MEF2A: variants seen among roughly 807,000 people sequenced by gnomAD.
MEF2A encodes myocyte enhancer factor 2A.
MEF2A carries 28 observed loss-of-function variants against 55.8 expected under a neutral mutation model. The observed-to-expected ratio is 0.50, with a 90% confidence interval of 0.37 to 0.69. MEF2A has a LOEUF of 0.69. MEF2A is among the 30% of genes least tolerant of loss of function. The pLI, the probability that MEF2A is intolerant of heterozygous loss-of-function variation, is 0.00. For synonymous variants in MEF2A, 239 were observed against 227.1 expected (o/e 1.05, Z -0.47); for missense variants, 528 against 626.2 (o/e 0.84, Z 1.67).
At position 99,597,155 on chromosome 15, in the gene MEF2A, G is replaced by C. The variant is rs571993180; in HGVS notation, c.-224-1275G>C. Among the ~76,000 whole-genome samples, 4 of 152,236 alleles carry C rather than the reference G, an allele frequency of 2.6e-5. No individual in the cohort carries two copies. The South Asian group carries it at 8.3e-4, about 32-fold the overall frequency. ...GAGATAACCTTAAACTCTGACTGCC[G>C]GTGAGCCGGGTGGAACAGAGCCATA... is the stretch of plus-strand genomic sequence containing the variant. On this transcript the variant is annotated intron_variant, in intron 1 of 11. Transcript: ENST00000557942.
chr15:99,625,616 A>G (rs1465969486), intron 2 of MEF2A, among the ~76,000 whole-genome samples: 2 of 152,078 alleles, frequency 1.3e-5, no homozygotes, highest in African/African-American at 2.4e-5. Flanking sequence ...TGGAATTTTT[A>G]TATATAGTAT....
chr15:99,612,154 A>C (rs2039373952), intron 2 of MEF2A, among the ~76,000 whole-genome samples: 1 of 152,090 alleles, frequency 6.6e-6, no homozygotes, highest in Non-Finnish European at 1.5e-5. Flanking sequence ...AGTGGCTCAC[A>C]CCTGTAATCC....
intron 2 of MEF2A, among the ~76,000 whole-genome samples, chr15:99,602,909 A>T (rs1239394950): frequency 6.6e-6 from 1 of 151,916 alleles, no homozygotes; most frequent in African/African-American, 2.4e-5. Flanking sequence ...ATTTATGTTA[A>T]TTCTTGTTAA....
At chr15:99,611,078 C>G (rs555241238) in intron 2 of MEF2A, among the ~76,000 whole-genome samples, 1 of 152,248 alleles carries the variant, frequency 6.6e-6, no homozygotes, top group South Asian at 2.1e-4. Flanking sequence ...CCCATCCCTA[C>G]TAAAAATACA....
intron 4 of MEF2A, among the ~76,000 whole-genome samples, chr15:99,647,001 A>G (rs1324577968): frequency 6.6e-6 from 1 of 152,116 alleles, no homozygotes; most frequent in Non-Finnish European, 1.5e-5. Context: ...TGAATTGTAT[A>G]TGAAATTTTT....
At chr15:99,612,966 G>T (rs565434849) in intron 2 of MEF2A, among the ~76,000 whole-genome samples, 1 of 152,038 alleles carries the variant, frequency 6.6e-6, no homozygotes, top group Non-Finnish European at 1.5e-5. Context: ...AAGGAAACGG[G>T]AGAGAGAGAT....
At chr15:99,680,092 C>T (rs1054784952) in intron 7 of MEF2A, among the ~76,000 whole-genome samples, 1 of 152,108 alleles carries the variant, frequency 6.6e-6, no homozygotes, top group South Asian at 2.1e-4. Context: ...GCTGGTGGCC[C>T]TCAGTGTTGA....
At chr15:99,580,613 T>C (rs1476416647) in intron 1 of MEF2A, among the ~76,000 whole-genome samples, 1 of 152,214 alleles carries the variant, frequency 6.6e-6, no homozygotes, top group Non-Finnish European at 1.5e-5. Context: ...GTCTTACTGC[T>C]TTTTCTGAAA....
chr15:99,700,836 A>G (rs1345780145), intron 8 of MEF2A, among the ~76,000 whole-genome samples: 2 of 152,242 alleles, frequency 1.3e-5, no homozygotes, highest in African/African-American at 4.8e-5. Flanking sequence ...GAGTAACAAA[A>G]TAACAATAGT....
In MEF2A at chr15:99,714,501, A is replaced by T. The variant is rs1240546797; in HGVS notation, c.*1730A>T. On this transcript the variant is annotated 3_prime_UTR_variant, in exon 12 of 12. Transcript: ENST00000557942. ...TGCAGTGATGCTTTGGTATGCGGGG[A>T]GAAACACTCTTAGGGTGCTGGTCCT... 2 of 152,122 alleles carry T rather than the reference A, an allele frequency of 1.3e-5. No individual in the cohort carries two copies. The highest frequency in any genetic ancestry group is 1.5e-5 in the Non-Finnish European group (1 of 68,038). 9.4% of individuals were successfully genotyped at this position (152,122 alleles called of 1,614,324 possible). A position where few individuals can be genotyped will look rare whatever the true frequency, so the allele number is the denominator to read the frequency against.
chr15:99,667,079 A>G (rs2049916585), intron 4 of MEF2A, among the ~76,000 whole-genome samples: 3 of 152,192 alleles, frequency 2.0e-5, no homozygotes, highest in Admixed American at 2.0e-4. Context: ...CTTCCTTTTA[A>G]AAACCAATAC....
At chr15:99,694,236 G>C (rs1389123014) in intron 8 of MEF2A, among the ~76,000 whole-genome samples, 1 of 152,124 alleles carries the variant, frequency 6.6e-6, no homozygotes, top group Non-Finnish European at 1.5e-5. Flanking sequence ...AGATTTGTCT[G>C]ATGTTTTTCT....
intron 2 of MEF2A, among the ~76,000 whole-genome samples, chr15:99,628,313 A>G (rs990913173): frequency 6.6e-6 from 1 of 152,052 alleles, no homozygotes; most frequent in South Asian, 2.1e-4. Context: ...CTATGCTTTT[A>G]CTTTTTTTCT....
chr15:99,626,276 C>T (rs1476470769), intron 2 of MEF2A, among the ~76,000 whole-genome samples: 2 of 152,108 alleles, frequency 1.3e-5, no homozygotes, highest in African/African-American at 4.8e-5. Context: ...TACCCTCTTA[C>T]AGTCTCATTT....
Position 99,674,632 on chromosome 15 carries a change from A to G in MEF2A, c.610+20A>G, listed in dbSNP as rs2051557584. 2 of 1,563,876 alleles carry G rather than the reference A, an allele frequency of 1.3e-6. No homozygotes were observed. The highest frequency in any genetic ancestry group is 1.8e-6 in the Non-Finnish European group (2 of 1,138,654). ...ATGCAGGTATGTAGTGATACCTATT[A>G]TGCTGGTTCTTTAATAAAGAGGGTG... On this transcript the variant is annotated intron_variant, in intron 6 of 11. Coordinates refer to ENST00000557942, the MANE Select transcript of MEF2A (RefSeq NM_001319206.4).
At chr15:99,681,063 G>C (rs971360407) in intron 7 of MEF2A, among the ~76,000 whole-genome samples, 1 of 152,114 alleles carries the variant, frequency 6.6e-6, no homozygotes, top group Non-Finnish European at 1.5e-5. Flanking sequence ...TAGTTCAAAT[G>C]ACTTTGGGGA....
In MEF2A at chr15:99,568,600, C is replaced by T. The variant is rs1327712157; in HGVS notation, c.-225+2496C>T. On this transcript the variant is annotated intron_variant, in intron 1 of 11. Transcript: ENST00000557942. The stretch of plus-strand genomic sequence containing the variant: ...GATTTTGGAGTTTGAAATAGTCTAG[C>T]TAAATCTTTTCAGTAGATTTGTGTT... 2.6e-5 allele frequency among the ~76,000 whole-genome samples: 4 copies of T among 152,238 alleles called. No individual in the cohort carries two copies. The East Asian group carries it at 7.7e-4, about 29-fold the overall frequency.
At chr15:99,632,887 G>T (rs559018457) in intron 2 of MEF2A, 91 bp from the exon 3 acceptor site, 59 of 400,446 alleles carry the variant, frequency 1.5e-4, no homozygotes, top group Middle Eastern at 1.3e-3. Flanking sequence ...AATGCTGTGT[G>T]CAGTGTAAAA....
In MEF2A at chr15:99,625,285, G is replaced by A. The variant is rs182808004; in HGVS notation, c.-142-7693G>A. Among the ~76,000 whole-genome samples the A allele has an allele frequency of 5.9e-5, 9 of 152,146 alleles. No individual in the cohort carries two copies. In the East Asian group the frequency reaches 1.7e-3, roughly 29 times the overall value. The stretch of plus-strand genomic sequence containing the variant: ...TAGAATTGCAGCTGGTTTGTGTGTT[G>A]ATTTTGTATTTTGCTACTTTACTAA... On this transcript the variant is annotated intron_variant, in intron 2 of 11. Coordinates refer to ENST00000557942, the MANE Select transcript of MEF2A (RefSeq NM_001319206.4).
Sources: gnomAD v4.1 joint callset for allele counts (sites outside exome capture counted in the v4.1 genomes callset) on GRCh38, gnomAD v4.1.1 for gene constraint, MANE v1.5 for transcripts, NCBI Gene and HGNC (gene_info 2026-07-23, HGNC 2026-07-21) for gene names.